PAM: variants seen among roughly 807,000 people sequenced by gnomAD.
PAM encodes peptidylglycine alpha-amidating monooxygenase, also known as peptidyl-glycine alpha-amidating monooxygenase.
In PAM, 72 loss-of-function variants were observed where a neutral mutation model predicts 122.1. The ratio of observed to expected loss-of-function variants is 0.59; its 90% CI spans 0.49 to 0.72. PAM has a LOEUF of 0.72. PAM is among the 30% of genes least tolerant of loss of function. The pLI, the probability that PAM is intolerant of heterozygous loss-of-function variation, is 0.00. For missense variants in PAM, 1,106 were observed against 1,183.7 expected (o/e 0.93, Z 0.96); for synonymous variants, 389 against 404.4 (o/e 0.96, Z 0.46).
At chr5:103,008,640 C>G (rs1779743676) in intron 20 of PAM, among the ~76,000 whole-genome samples, 1 of 151,980 alleles carries the variant, frequency 6.6e-6, no homozygotes, top group South Asian at 2.1e-4. Context: ...CAAGCAGCCC[C>G]CCAAATTATT....
chr5:103,030,016 T>C (rs138511344), downstream of PAM: 1 of 152,338 alleles, frequency 6.6e-6, no homozygotes, highest in East Asian at 1.9e-4. Context: ...TACCTGTGTC[T>C]CAAATTACAT....
chr5:102,825,846 T>C (rs1773452104), intron 1 of PAM, among the ~76,000 whole-genome samples: 1 of 152,008 alleles, frequency 6.6e-6, no homozygotes. Flanking sequence ...ATACCCCATC[T>C]CTAAAAAAGA....
chr5:102,842,719 A>G (rs1427860193), intron 1 of PAM, among the ~76,000 whole-genome samples: 2 of 152,212 alleles, frequency 1.3e-5, no homozygotes, highest in African/African-American at 2.4e-5. Context: ...ACTGCTGTTT[A>G]GTTTGAAGCC....
chr5:102,977,189 C>T (rs1450359626), intron 15 of PAM, among the ~76,000 whole-genome samples: 5 of 152,102 alleles, frequency 3.3e-5, no homozygotes. Context: ...GGCCTAGGAA[C>T]ACCTGAGGGT....
chr5:102,975,932 A>T (rs1014037930), intron 15 of PAM, among the ~76,000 whole-genome samples: 2 of 152,146 alleles, frequency 1.3e-5, no homozygotes, highest in African/African-American at 4.8e-5. Flanking sequence ...TCAGAATTTG[A>T]CTTAAGATAT....
intron 7 of PAM, among the ~76,000 whole-genome samples, chr5:102,943,533 G>A (rs1486776130): frequency 1.3e-5 from 2 of 152,058 alleles, no homozygotes; most frequent in African/African-American, 4.8e-5. Flanking sequence ...AAGTCTCTAA[G>A]ATATAGAACC....
chr5:102,878,889 T>G (rs1790057795), intron 3 of PAM, among the ~76,000 whole-genome samples: 1 of 152,098 alleles, frequency 6.6e-6, no homozygotes, highest in South Asian at 2.1e-4. Context: ...TATAGTAAGC[T>G]AAGGTTGATT....
chr5:102,979,362 A>T (rs1768945260), intron 15 of PAM, among the ~76,000 whole-genome samples: 1 of 152,144 alleles, frequency 6.6e-6, no homozygotes, highest in East Asian at 1.9e-4. Context: ...TTTCTTTCTT[A>T]CTTTGGTATA....
intron 4 of PAM, among the ~76,000 whole-genome samples, chr5:102,908,119 G>A (rs942938963): frequency 6.6e-5 from 10 of 152,082 alleles, no homozygotes; most frequent in African/African-American, 2.2e-4. Flanking sequence ...TAACATGTAA[G>A]TCTTTAATCC....
chr5:102,782,727 G>C (rs2432163), intron 1 of PAM, among the ~76,000 whole-genome samples: 41,015 of 116,002 alleles, frequency 0.35, 6,155 homozygotes, highest in Non-Finnish European at 0.43. Flanking sequence ...CTCTCTCTCT[G>C]TGTGTGTGTG....
intron 23 of PAM, among the ~76,000 whole-genome samples, chr5:103,024,812 C>G (rs1012567947): frequency 6.6e-6 from 1 of 152,032 alleles, no homozygotes; most frequent in Admixed American, 6.6e-5. Context: ...AGTTCTTTCC[C>G]CTACACAGTA....
At chr5:103,025,071 G>C in intron 23 of PAM, 60 bp from the exon 24 acceptor site, 3 of 1,187,514 alleles carry the variant, frequency 2.5e-6, no homozygotes, top group Non-Finnish European at 3.7e-6. Flanking sequence ...GTAGGGGTGG[G>C]TAAGGGGGTT....
At chr5:102,813,818 C>T (rs1003462652) in intron 1 of PAM, among the ~76,000 whole-genome samples, 5 of 152,038 alleles carry the variant, frequency 3.3e-5, no homozygotes, top group African/African-American at 4.8e-5. Context: ...AATCTTGTGA[C>T]CTGGGGCAAA....
intron 16 of PAM, among the ~76,000 whole-genome samples, chr5:102,991,427 T>C (rs1774033775): frequency 6.6e-6 from 1 of 152,178 alleles, no homozygotes; most frequent in Non-Finnish European, 1.5e-5. Context: ...TTTTTATCAA[T>C]TACATCTAAT....
At chr5:102,779,556 AT>A (rs978591704) in intron 1 of PAM, among the ~76,000 whole-genome samples, 1 of 151,968 alleles carries the variant, frequency 6.6e-6, no homozygotes, top group Non-Finnish European at 1.5e-5. Flanking sequence ...GATGCAAAGT[AT>A]TGTTCCTGTG....
At chr5:102,781,743 A>G (rs1758991479) in intron 1 of PAM, among the ~76,000 whole-genome samples, 1 of 152,244 alleles carries the variant, frequency 6.6e-6, no homozygotes, top group Non-Finnish European at 1.5e-5. Flanking sequence ...CAGTTATTAT[A>G]TACAGGGACT....
In PAM at chr5:102,951,937, G is replaced by A. The variant is rs1462656512; in HGVS notation, c.905+1117G>A. Among the ~76,000 whole-genome samples, 3 of 152,044 alleles carry A rather than the reference G, an allele frequency of 2.0e-5. No individual in the cohort carries two copies. The East Asian group carries it at 5.8e-4, about 29-fold the overall frequency. ...TGGTAAGAAAAAGACTGACAAAGGAGGCATAACTAGATTTGAAAGAAAGAG... is the reference window on the plus strand; with the variant it reads ...TGGTAAGAAAAAGACTGACAAAGGAAGCATAACTAGATTTGAAAGAAAGAG... On this transcript the variant is annotated intron_variant, in intron 12 of 25. Transcript: ENST00000438793.
chr5:102,805,866 T>C (rs1192092500), intron 1 of PAM, among the ~76,000 whole-genome samples: 1 of 152,224 alleles, frequency 6.6e-6, no homozygotes, highest in East Asian at 1.9e-4. Flanking sequence ...AAATTAGGCC[T>C]CTTTTCTCTA....
At chr5:103,028,797 C>CT in intron 25 of PAM, 90 bp from the exon 26 acceptor site, 1 of 824,232 alleles carries the variant, frequency 1.2e-6, no homozygotes, top group Admixed American at 2.5e-5. Flanking sequence ...TTCCCATCCC[C>CT]ACCTTCTGAC....
Sources: gnomAD v4.1 joint callset for allele counts (sites outside exome capture counted in the v4.1 genomes callset) on GRCh38, gnomAD v4.1.1 for gene constraint, MANE v1.5 for transcripts, NCBI Gene and HGNC (gene_info 2026-07-23, HGNC 2026-07-21) for gene names.